The following NUSAP1 variants were observed in gnomAD, a reference collection of about 807,000 sequenced individuals.
NUSAP1 encodes nucleolar and spindle-associated protein 1.
NUSAP1 carries 32 observed loss-of-function variants against 52.8 expected under a neutral mutation model. That is an observed-to-expected ratio of 0.61 (90% confidence interval 0.46 to 0.81). The LOEUF (loss-of-function observed/expected upper bound fraction) is 0.81. NUSAP1 is among the 40% of genes least tolerant of loss of function. The pLI, the probability that NUSAP1 is intolerant of heterozygous loss-of-function variation, is 0.00. For missense variants in NUSAP1, 499 were observed against 522.3 expected, an observed-to-expected ratio of 0.96 and a Z score of 0.43; for synonymous variants, 195 against 183.1, an observed-to-expected ratio of 1.06 and a Z score of -0.52.
chr15:41,349,224 G>A lies in NUSAP1; in HGVS notation c.289G>A (p.Val97Met). Residue 97 changes from valine to methionine, a missense_variant, in exon 3 of 11, where the codon GTG becomes ATG. Physicochemically the swap from Val to Met is conservative, Grantham distance 21 (BLOSUM62 1). Transcript: ENST00000559596. ...KTRRRCKTVR[V>M]DPDSQQNHSE... is the part of the protein sequence containing the mutation. ...AAGGAGAAGGTGCAAGACTGTCCGT[G>A]TGGACCCTGACTCACAGGTGAATGG... 6.2e-7 allele frequency: 1 copy of A among 1,613,482 alleles called. No homozygotes were observed. The highest frequency in any genetic ancestry group is 8.5e-7 in the Non-Finnish European group (1 of 1,179,726).
intron 1 of NUSAP1, 43 bp from the exon 2 acceptor site, chr15:41,342,343 G>A: frequency 1.5e-6 from 2 of 1,322,014 alleles, no homozygotes. Flanking sequence ...TATCTTCCTT[G>A]TTTATTTGAC....
At position 41,339,209 on chromosome 15, in the gene NUSAP1, G is replaced by A. The variant is rs73404976; in HGVS notation, c.94-3177G>A. ...TTTTCCTGAGTACACTAATGCATTA[G>A]AGGATCATGTGGGGAAATCTCTTAT... On this transcript the variant is annotated intron_variant, in intron 1 of 10. Coordinates refer to ENST00000559596, the MANE Select transcript of NUSAP1 (RefSeq NM_016359.5). Among the ~76,000 whole-genome samples the A allele has an allele frequency of 1.3e-3, 202 of 152,258 alleles. 1 individual carries two copies. The highest frequency in any genetic ancestry group is 4.7e-3 in the African/African-American group (195 of 41,550).
At chr15:41,362,679 C>T (rs1180297380) in intron 6 of NUSAP1, among the ~76,000 whole-genome samples, 1 of 151,938 alleles carries the variant, frequency 6.6e-6, no homozygotes, top group Non-Finnish European at 1.5e-5. Context: ...ATCTGCCTGC[C>T]TCGGCCTCCC....
intron 6 of NUSAP1, among the ~76,000 whole-genome samples, chr15:41,361,611 T>A (rs1257829828): frequency 1.3e-5 from 2 of 152,124 alleles, no homozygotes; most frequent in Non-Finnish European, 2.9e-5. Context: ...ATGGATGACA[T>A]AATTTTCTAA....
Position 41,369,110 on chromosome 15 carries a change from G to A in NUSAP1, c.849-2417G>A, listed in dbSNP as rs1436112572. 5.3e-5 allele frequency among the ~76,000 whole-genome samples: 8 copies of A among 151,752 alleles called. No homozygotes were observed. The East Asian group carries it at 1.5e-3, about 29-fold the overall frequency. ...ACCCAGGCTAGAATTCAGTGACACA[G>A]TAATGGCTCACTGCAGCCTTGACTT... On this transcript the variant is annotated intron_variant, in intron 7 of 10. Transcript: ENST00000559596.
chr15:41,341,989 A>C (rs2048382524), intron 1 of NUSAP1, among the ~76,000 whole-genome samples: 1 of 152,180 alleles, frequency 6.6e-6, no homozygotes, highest in African/African-American at 2.4e-5. Context: ...TTGCTGTGCC[A>C]TTCCTCTACC....
At position 41,371,698 on chromosome 15, in the gene NUSAP1, A is replaced by AAC. The variant is rs1555432066; in HGVS notation, c.1006+15_1006+16insCA. On this transcript the variant is annotated intron_variant, in intron 8 of 10. Coordinates refer to ENST00000559596, the MANE Select transcript of NUSAP1 (RefSeq NM_016359.5). ...ATTCTGCTGCTGGTAAAAAAAAAAA[A>AAC]AAACAAAAGAAATCTGTTTCATTTT... 44 of 1,557,326 alleles carry AAC rather than the reference A, an allele frequency of 2.8e-5. No individual in the cohort carries two copies. Among genetic ancestry groups the AAC allele is most frequent in the Middle Eastern group, 3.4e-4 (2 of 5,902 alleles).
At chr15:41,341,328 T>C (rs1428251276) in intron 1 of NUSAP1, among the ~76,000 whole-genome samples, 1 of 152,092 alleles carries the variant, frequency 6.6e-6, no homozygotes, top group Non-Finnish European at 1.5e-5. Flanking sequence ...CCTCCCAAAG[T>C]GCTGGAATTA....
At position 41,351,103 on chromosome 15, in the gene NUSAP1, A is replaced by G. The variant is rs1160147006; in HGVS notation, c.422A>G (p.Gln141Arg). The G allele has an allele frequency of 6.2e-7, 1 of 1,613,158 alleles. No homozygotes were observed. The highest frequency in any genetic ancestry group is 8.5e-7 in the Non-Finnish European group (1 of 1,179,682). ...AKVPSPPDEH[Q>R]EAENAVSSGN... ...GTTCCTTCTCCACCAGACGAGCACC[A>G]AGAAGCTGAGAATGCTGTTTCCTCA... Residue 141 changes from glutamine to arginine, a missense_variant, in exon 4 of 11, where the codon CAA (glutamine) becomes CGA (arginine). Transcript: ENST00000559596.
At chr15:41,340,962 T>C (rs997018230) in intron 1 of NUSAP1, among the ~76,000 whole-genome samples, 12 of 152,164 alleles carry the variant, frequency 7.9e-5, no homozygotes, top group African/African-American at 2.9e-4. Context: ...ATGAGAAGAA[T>C]AGAGCCAAGC....
At chr15:41,375,107 T>G (rs1394505547) in intron 8 of NUSAP1, among the ~76,000 whole-genome samples, 1 of 151,832 alleles carries the variant, frequency 6.6e-6, no homozygotes, top group Non-Finnish European at 1.5e-5. Context: ...CTTCCCGGAT[T>G]TAAGCAATTC....
intron 10 of NUSAP1, among the ~76,000 whole-genome samples, chr15:41,377,778 G>T (rs890081190): frequency 2.0e-5 from 3 of 150,084 alleles, no homozygotes; most frequent in African/African-American, 4.9e-5. Flanking sequence ...GCCGAGGGGG[G>T]CAGATCACGA....
intron 2 of NUSAP1, chr15:41,345,659 T>A (rs1343718916): frequency 3.7e-6 from 1 of 267,722 alleles, no homozygotes; most frequent in Non-Finnish European, 7.3e-6. Flanking sequence ...GGGTTTCACA[T>A]GTTTGTCAGG....
intron 8 of NUSAP1, among the ~76,000 whole-genome samples, chr15:41,374,113 G>T (rs1190559867): frequency 6.6e-6 from 1 of 152,148 alleles, no homozygotes; most frequent in Non-Finnish European, 1.5e-5. Context: ...CTCAATTATT[G>T]TTTTCCCCTT....
intron 1 of NUSAP1, 22 bp from the exon 2 acceptor site, chr15:41,342,364 A>C (rs779816308): frequency 1.3e-6 from 2 of 1,519,058 alleles, no homozygotes; most frequent in South Asian, 1.2e-5. Flanking sequence ...TTTTGGCTCT[A>C]ATAATAAGGT....
rs10541882 is a variant in NUSAP1, at chr15:41,354,670, G to GATAT, written c.449-1352_449-1349dup. 2.6e-3 allele frequency among the ~76,000 whole-genome samples: 381 copies of GATAT among 146,084 alleles called. 2 individuals carry two copies. Among genetic ancestry groups the GATAT allele is most frequent in the African/African-American group, 7.1e-3 (281 of 39,678 alleles). On this transcript the variant is annotated intron_variant, in intron 4 of 10. Coordinates refer to ENST00000559596, the MANE Select transcript of NUSAP1 (RefSeq NM_016359.5). ...AAAACTGAAAAAGTTTGTTTTAACC[G>GATAT]ATATATATATATATATATATGTTTA...
intron 2 of NUSAP1, among the ~76,000 whole-genome samples, chr15:41,343,792 C>G (rs1011802755): frequency 3.3e-5 from 5 of 151,626 alleles, no homozygotes; most frequent in African/African-American, 1.2e-4. Flanking sequence ...CACCTGGCGT[C>G]AAATTTATTT....
intron 4 of NUSAP1, among the ~76,000 whole-genome samples, chr15:41,354,881 G>A (rs923670558): frequency 3.3e-5 from 5 of 151,454 alleles, no homozygotes; most frequent in African/African-American, 9.7e-5. Flanking sequence ...TTAGCCGGGT[G>A]TGGGGGCGGG....
chr15:41,341,576 A>G (rs370001550), intron 1 of NUSAP1, among the ~76,000 whole-genome samples: 7 of 152,284 alleles, frequency 4.6e-5, no homozygotes, highest in African/African-American at 1.7e-4. Flanking sequence ...TGTCCAAGCC[A>G]GAAACGTTGG....
Sources: allele counts gnomAD v4.1 joint callset (sites outside exome capture counted in the v4.1 genomes callset), GRCh38; gene constraint gnomAD v4.1.1; transcripts MANE v1.5; gene names NCBI Gene and HGNC (gene_info 2026-07-23, HGNC 2026-07-21).